Variants in KCNN2 observed in about 807,000 individuals in gnomAD.
KCNN2 encodes potassium calcium-activated channel subfamily N member 2.
Under a neutral mutation model 55.5 loss-of-function variants are expected in KCNN2, and 24 were observed. The ratio of observed to expected loss-of-function variants is 0.43; its 90% confidence interval spans 0.31 to 0.61. The LOEUF (loss-of-function observed/expected upper bound fraction) is 0.61, where lower values mean the gene tolerates loss of function less well. KCNN2 is among the 20% of genes least tolerant of loss of function. The pLI, the probability that KCNN2 is intolerant of heterozygous loss-of-function variation, is 0.08. For missense variants in KCNN2, 754 were observed against 853.6 expected, an observed-to-expected ratio of 0.88 and a Z score of 1.45; for synonymous variants, 431 against 336.1, an observed-to-expected ratio of 1.28 and a Z score of -3.09.
intron 3 of KCNN2, among the ~76,000 whole-genome samples, chr5:114,452,609 A>C (rs752701562): frequency 5.9e-5 from 9 of 152,294 alleles, no homozygotes; most frequent in Non-Finnish European, 1.2e-4. Flanking sequence ...TAGCACATTA[A>C]AATCATCTGG....
At chr5:114,134,387 T>C (rs953963926) in intron 1 of KCNN2, among the ~76,000 whole-genome samples, 5 of 151,884 alleles carry the variant, frequency 3.3e-5, no homozygotes, top group Non-Finnish European at 7.4e-5. Context: ...TTGACTTATA[T>C]GTTGTTTCTT....
At chr5:114,254,420 T>A (rs778384298) in intron 2 of KCNN2, among the ~76,000 whole-genome samples, 2 of 152,180 alleles carry the variant, frequency 1.3e-5, no homozygotes, top group Non-Finnish European at 2.9e-5. Flanking sequence ...TTTTCTGAAA[T>A]GACAAATAGT....
intron 5 of KCNN2, 92 bp downstream of exon 5, chr5:114,473,256 A>T (rs1761831530): frequency 4.9e-6 from 4 of 822,162 alleles, no homozygotes; most frequent in African/African-American, 1.7e-5. Flanking sequence ...TCCGAAGCTG[A>T]AATGACATGG....
intron 1 of KCNN2, among the ~76,000 whole-genome samples, chr5:114,116,360 CATT>C (rs1284774688): frequency 6.6e-6 from 1 of 152,078 alleles, no homozygotes; most frequent in Non-Finnish European, 1.5e-5. Context: ...AGTTACAAGT[CATT>C]GTAGAATTGG....
chr5:114,495,907 A>T lies in KCNN2; in HGVS notation c.2101A>T (p.Met701Leu). Reference protein sequence around the residue: ...LVDLAKTQNIMYDMISDLNER... With the variant: ...LVDLAKTQNILYDMISDLNER... ...TCCTGTTTTTCAGACCCAGAACATC[A>T]TGTATGATATGATTTCTGACTTAAA... Residue 701 changes from methionine to leucine, a missense_variant, in exon 8 of 8, where the codon ATG (methionine) becomes TTG (leucine). Around this residue, in one of 4 missense-constraint regions of KCNN2, gnomAD observed 164 missense variants for 156.6 expected, o/e 1.05. Transcript: ENST00000673685. 1 of 1,613,472 alleles carries T rather than the reference A, an allele frequency of 6.2e-7. No individual in the cohort carries two copies. The highest frequency in any genetic ancestry group is 1.3e-5 in the African/African-American group (1 of 74,994).
intron 6 of KCNN2, among the ~76,000 whole-genome samples, chr5:114,487,751 G>A (rs1022287576): frequency 1.3e-5 from 2 of 152,062 alleles, no homozygotes; most frequent in Non-Finnish European, 2.9e-5. Context: ...TCTATATCTA[G>A]TAAGATGCAC....
chr5:114,253,888 A>C (rs1027916891), intron 2 of KCNN2: 2 of 152,156 alleles, frequency 1.3e-5, no homozygotes, highest in African/African-American at 4.8e-5. Context: ...TTAAATCTTT[A>C]TTGAGTCCTT....
intron 1 of KCNN2, among the ~76,000 whole-genome samples, chr5:114,198,044 G>A (rs1376620260): frequency 1.3e-5 from 2 of 151,762 alleles, no homozygotes; most frequent in African/African-American, 2.4e-5. Context: ...TTATTTCTTC[G>A]TTCTCAAAGT....
At chr5:114,154,825 C>T (rs1299366236) in intron 1 of KCNN2, among the ~76,000 whole-genome samples, 1 of 152,058 alleles carries the variant, frequency 6.6e-6, no homozygotes, top group Non-Finnish European at 1.5e-5. Flanking sequence ...CAGACAATGG[C>T]TATATTCTTA....
At position 114,339,491 on chromosome 5, in the gene KCNN2, T is replaced by C. The variant is rs1450798609; in HGVS notation, c.-184-21454T>C. Among the ~76,000 whole-genome samples, 8 of 152,288 alleles carry C rather than the reference T, an allele frequency of 5.3e-5. No individual in the cohort carries two copies. In the South Asian group the frequency reaches 1.7e-3, roughly 32 times the overall value. On this transcript the variant is annotated intron_variant, in intron 2 of 10. Transcript: ENST00000512097. ...AGTTTAACATAAAATGTTGGATTTT[T>C]TCATGATTCTCTTTAAAATGCAGGA... is the stretch of plus-strand genomic sequence containing the variant.
chr5:114,320,197 T>G (rs2150029117), intron 2 of KCNN2, among the ~76,000 whole-genome samples: 1 of 152,228 alleles, frequency 6.6e-6, no homozygotes, highest in East Asian at 1.9e-4. Flanking sequence ...TAGAGTAAAA[T>G]CAACATACCC....
intron 1 of KCNN2, among the ~76,000 whole-genome samples, chr5:114,205,374 G>GC (rs1180305980): frequency 6.6e-6 from 1 of 152,170 alleles, no homozygotes; most frequent in Non-Finnish European, 1.5e-5. Flanking sequence ...TTTTTAATAT[G>GC]CTGCCTAGTC....
upstream of KCNN2, chr5:114,361,868 C>T (rs1008193049): frequency 2.0e-5 from 3 of 153,236 alleles, 1 homozygote; most frequent in Admixed American, 2.0e-4. Flanking sequence ...CTGCACCCCC[C>T]TAGGGTTTGT....
intron 2 of KCNN2, among the ~76,000 whole-genome samples, chr5:114,256,202 G>A (rs941367829): frequency 6.6e-6 from 1 of 152,032 alleles, no homozygotes; most frequent in East Asian, 1.9e-4. Context: ...GGCTGAGTAG[G>A]ATTCCATGGT....
intron 1 of KCNN2, among the ~76,000 whole-genome samples, chr5:114,197,587 C>T (rs555461201): frequency 6.6e-6 from 1 of 152,342 alleles, no homozygotes; most frequent in East Asian, 1.9e-4. Context: ...TGGGGTAGAG[C>T]TTCCTCCTTA....
At chr5:114,298,723 A>C (rs918862971) in intron 2 of KCNN2, among the ~76,000 whole-genome samples, 2 of 152,190 alleles carry the variant, frequency 1.3e-5, no homozygotes, top group Non-Finnish European at 2.9e-5. Flanking sequence ...TTCTTTTTCA[A>C]ATTTTCTGTT....
chr5:114,375,804 A>C (rs1479261455), intron 2 of KCNN2, among the ~76,000 whole-genome samples: 3 of 151,876 alleles, frequency 2.0e-5, no homozygotes, highest in African/African-American at 7.3e-5. Context: ...ATACAAAGAG[A>C]AATCTCCAAT....
chr5:114,232,854 G>A (rs1754388927), intron 2 of KCNN2, among the ~76,000 whole-genome samples: 1 of 150,000 alleles, frequency 6.7e-6, no homozygotes, highest in Admixed American at 6.6e-5. Context: ...GATCATGGAA[G>A]CAGGAGGGTG....
intron 1 of KCNN2, among the ~76,000 whole-genome samples, chr5:114,076,961 A>G (rs574938629): frequency 1.3e-5 from 2 of 152,078 alleles, no homozygotes; most frequent in African/African-American, 2.4e-5. Flanking sequence ...TCCCAAAGTG[A>G]TGGGATTACA....
Sources: allele counts gnomAD v4.1 joint callset (sites outside exome capture counted in the v4.1 genomes callset), GRCh38; gene constraint gnomAD v4.1.1; regional missense constraint gnomAD v4.1.1; transcripts MANE v1.5; gene names NCBI Gene and HGNC (gene_info 2026-07-23, HGNC 2026-07-21).